Variants in DYNLT2 observed in about 807,000 individuals in gnomAD.
The protein encoded by DYNLT2 is dynein light chain Tctex-type 2.
DYNLT2 carries 24 observed loss-of-function variants against 24.3 expected under a neutral mutation model. The ratio of observed to expected loss-of-function variants is 0.99; its 90% CI spans 0.71 to 1.39. DYNLT2 has a LOEUF of 1.39. Ranked by LOEUF, DYNLT2 falls within the 40% of genes most tolerant of loss-of-function variation. The pLI, the probability that DYNLT2 is intolerant of heterozygous loss-of-function variation, is 0.00. For missense variants in DYNLT2, 246 were observed against 234.5 expected (o/e 1.05, Z -0.32); for synonymous variants, 85 against 85.4 (o/e 1.00, Z 0.03).
chr6:169,734,821 T>G, the DYNLT2 span, among the ~76,000 whole-genome samples: 1 of 152,182 alleles, frequency 6.6e-6, no homozygotes, highest in Non-Finnish European at 1.5e-5. Context: ...TTAGGGAGGA[T>G]TCCCTCCTTT....
chr6:169,741,370 C>A (rs894221144), intron 3 of DYNLT2, among the ~76,000 whole-genome samples: 1 of 152,200 alleles, frequency 6.6e-6, no homozygotes, highest in African/African-American at 2.4e-5. Context: ...GCCCAGGCCA[C>A]AGCTAGCCCA....
chr6:169,729,581 A>G, the DYNLT2 span, among the ~76,000 whole-genome samples: 2 of 152,224 alleles, frequency 1.3e-5, no homozygotes, highest in South Asian at 2.1e-4. Context: ...AAGGATTGTG[A>G]TATCTGCTAT....
chr6:169,725,399 C>G, the DYNLT2 span: 1 of 397,918 alleles, frequency 2.5e-6, no homozygotes, highest in Admixed American at 4.4e-5. Flanking sequence ...TTAACACGCT[C>G]AGTCCAGCCT....
chr6:169,750,485 C>G (rs1789963237), intron 1 of DYNLT2: 1 of 152,158 alleles, frequency 6.6e-6, no homozygotes, highest in Admixed American at 6.5e-5. Context: ...TGAGAATTCT[C>G]TTTTTAAGAG....
At chr6:169,741,432 CATT>C (rs1399593836) in intron 3 of DYNLT2, among the ~76,000 whole-genome samples, 1 of 152,170 alleles carries the variant, frequency 6.6e-6, no homozygotes, top group African/African-American at 2.4e-5. Flanking sequence ...CCAGGTAAGT[CATT>C]AGAGGGCTAC....
chr6:169,741,114 G>T (rs564348383), intron 3 of DYNLT2, among the ~76,000 whole-genome samples: 7 of 152,018 alleles, frequency 4.6e-5, no homozygotes, highest in Non-Finnish European at 8.8e-5. Flanking sequence ...GCCGAAAAAG[G>T]CCCAAATTCT....
intron 1 of DYNLT2, among the ~76,000 whole-genome samples, chr6:169,745,156 G>A (rs541719623): frequency 4.9e-4 from 74 of 151,980 alleles, no homozygotes; most frequent in African/African-American, 1.7e-3. Context: ...GCAGTGGCGC[G>A]ATCTTGGCTC....
At chr6:169,728,086 CAGTCAAG>C in the DYNLT2 span, among the ~76,000 whole-genome samples, 1 of 152,090 alleles carries the variant, frequency 6.6e-6, no homozygotes, top group Non-Finnish European at 1.5e-5. Flanking sequence ...GTCAGGTTCT[CAGTCAAG>C]TTTACCTACT....
chr6:169,741,043 C>A (rs1329380182), intron 3 of DYNLT2, among the ~76,000 whole-genome samples: 1 of 152,052 alleles, frequency 6.6e-6, no homozygotes, highest in Non-Finnish European at 1.5e-5. Context: ...CTGACCTCAG[C>A]TGATCCACCC....
At chr6:169,733,295 T>C in the DYNLT2 span, among the ~76,000 whole-genome samples, 1 of 152,348 alleles carries the variant, frequency 6.6e-6, no homozygotes, top group Non-Finnish European at 1.5e-5. Flanking sequence ...TTTAATTACA[T>C]TCCATTTGTC....
At chr6:169,744,299 G>A (rs1789746588) in intron 1 of DYNLT2, 25 bp from the exon 2 acceptor site, 1 of 1,590,348 alleles carries the variant, frequency 6.3e-7, no homozygotes, top group East Asian at 2.2e-5. Flanking sequence ...GAGAGGGGAA[G>A]AGAGAAAGGC....
At chr6:169,737,950 C>T (rs1049262187), downstream of DYNLT2, among the ~76,000 whole-genome samples, 3 of 152,206 alleles carry the variant, frequency 2.0e-5, no homozygotes, top group African/African-American at 7.2e-5. Flanking sequence ...GCAGCCACCC[C>T]TCCCACTAGG....
Position 169,744,187 on chromosome 6 carries a change from T to C in DYNLT2, c.208A>G (p.Ile70Val). 6.2e-7 allele frequency: 1 copy of C among 1,613,674 alleles called. No homozygotes were observed. Among genetic ancestry groups the C allele is most frequent in the East Asian group, 2.2e-5 (1 of 44,856 alleles). The change falls in exon 2 of 4, where the codon ATA becomes GTA. Residue 70 changes from isoleucine to valine, a missense_variant. Transcript: ENST00000366774. ...AGGGCACTCTTCCATTCTTTACCTA[T>C]ATCAGCAATTGAGTCATCAAAAGGA... is the stretch of plus-strand genomic sequence containing the variant. ...EPPFDDSIADIGKEWKSALAK... is the reference protein window; with the variant it reads ...EPPFDDSIADVGKEWKSALAK...
chr6:169,742,071 C>T (rs1416333936), intron 3 of DYNLT2, among the ~76,000 whole-genome samples: 1 of 152,180 alleles, frequency 6.6e-6, no homozygotes, highest in Non-Finnish European at 1.5e-5. Flanking sequence ...TTCTCTCCAA[C>T]TCCCACATAT....
downstream of DYNLT2, among the ~76,000 whole-genome samples, chr6:169,737,754 A>G (rs1002476496): frequency 2.6e-5 from 4 of 152,142 alleles, no homozygotes; most frequent in Non-Finnish European, 5.9e-5. Context: ...TGTATAGGGT[A>G]TCTGACAACC....
At chr6:169,745,212 C>T (rs1246314591) in intron 1 of DYNLT2, among the ~76,000 whole-genome samples, 3 of 152,044 alleles carry the variant, frequency 2.0e-5, no homozygotes, top group African/African-American at 7.2e-5. Context: ...TCTGCCTCAG[C>T]CTCCTGAGTA....
At chr6:169,741,267 C>T (rs77432982) in intron 3 of DYNLT2, among the ~76,000 whole-genome samples, 24 of 152,306 alleles carry the variant, frequency 1.6e-4, no homozygotes, top group African/African-American at 5.8e-4. Flanking sequence ...CTTCTGCTCT[C>T]ACACTCGTGG....
downstream of DYNLT2, among the ~76,000 whole-genome samples, chr6:169,736,331 T>A (rs1293052794): frequency 6.6e-6 from 1 of 152,214 alleles, no homozygotes; most frequent in African/African-American, 2.4e-5. Context: ...AGGTTAGTAT[T>A]GTTATATGTG....
chr6:169,731,036 G>A, the DYNLT2 span, among the ~76,000 whole-genome samples: 1 of 152,118 alleles, frequency 6.6e-6, no homozygotes, highest in Non-Finnish European at 1.5e-5. Context: ...GCTGATGATA[G>A]CAGGGCAGAG....
Sources: gnomAD v4.1 joint callset for allele counts (sites outside exome capture counted in the v4.1 genomes callset) on GRCh38, gnomAD v4.1.1 for gene constraint, MANE v1.5 for transcripts, NCBI Gene and HGNC (gene_info 2026-07-23, HGNC 2026-07-21) for gene names.